TENT4B: variants seen among roughly 807,000 people sequenced by gnomAD.
TENT4B encodes the protein PAP associated domain containing 5.
TENT4B carries 10 observed loss-of-function variants against 75.0 expected under a neutral mutation model. The ratio of observed to expected loss-of-function variants is 0.13; its 90% confidence interval spans 0.08 to 0.23. The LOEUF is 0.23. TENT4B is among the 10% of genes least tolerant of loss of function. TENT4B has a pLI of 1.00. For missense variants in TENT4B, 579 were observed against 893.8 expected (o/e 0.65, Z 4.49); for synonymous variants, 350 against 357.7 (o/e 0.98, Z 0.24).
chr16:50,155,272 G>GGGGGGTGTGT (rs377547594), intron 1 of TENT4B, among the ~76,000 whole-genome samples: 4 of 135,372 alleles, frequency 3.0e-5, no homozygotes, highest in African/African-American at 1.1e-4. Flanking sequence ...GGGTCTCGTG[G>GGGGGGTGTGT]GTGTGTGTGT....
At chr16:50,215,077 C>G (rs188793927) in intron 3 of TENT4B, among the ~76,000 whole-genome samples, 2 of 152,318 alleles carry the variant, frequency 1.3e-5, no homozygotes, top group African/African-American at 4.8e-5. Context: ...GACTGTTGTT[C>G]AGTTTCAGTC....
At chr16:50,198,303 C>T (rs1349464557) in intron 1 of TENT4B, among the ~76,000 whole-genome samples, 1 of 151,382 alleles carries the variant, frequency 6.6e-6, no homozygotes, top group Non-Finnish European at 1.5e-5. Flanking sequence ...CCTATAGTCC[C>T]AGCTACTTTG....
At chr16:50,227,633 T>C (rs2032113699) in intron 10 of TENT4B, among the ~76,000 whole-genome samples, 1 of 151,734 alleles carries the variant, frequency 6.6e-6, no homozygotes, top group South Asian at 2.1e-4. Context: ...GATTTAACAA[T>C]GAACAGAAGC....
At chr16:50,158,193 TCTC>T (rs1212603957) in intron 1 of TENT4B, among the ~76,000 whole-genome samples, 1 of 151,746 alleles carries the variant, frequency 6.6e-6, no homozygotes, top group Non-Finnish European at 1.5e-5. Flanking sequence ...TTCGAGCAAT[TCTC>T]CTGCCTCAGC....
intron 1 of TENT4B, among the ~76,000 whole-genome samples, chr16:50,154,880 T>C (rs1204425812): frequency 1.3e-5 from 2 of 152,170 alleles, no homozygotes; most frequent in African/African-American, 4.8e-5. Context: ...ATGTCACAGA[T>C]GCCCTGTCTA....
chr16:50,184,010 A>C (rs2038475701), intron 1 of TENT4B, among the ~76,000 whole-genome samples: 2 of 152,192 alleles, frequency 1.3e-5, no homozygotes, highest in Non-Finnish European at 2.9e-5. Flanking sequence ...CATTTTCATC[A>C]ACCCAAAAAG....
chr16:50,184,451 A>T (rs1317192890), intron 1 of TENT4B, among the ~76,000 whole-genome samples: 2 of 151,838 alleles, frequency 1.3e-5, no homozygotes, highest in South Asian at 2.1e-4. Context: ...GGTGGATACG[A>T]GGGTCAGGAG....
intron 1 of TENT4B, among the ~76,000 whole-genome samples, chr16:50,171,026 G>A (rs1189636200): frequency 6.6e-6 from 1 of 151,032 alleles, no homozygotes; most frequent in Non-Finnish European, 1.5e-5. Context: ...CAAACTCCAG[G>A]CCTCAAGCCG....
intron 1 of TENT4B, among the ~76,000 whole-genome samples, chr16:50,210,758 C>T (rs760211316): frequency 3.3e-5 from 5 of 152,244 alleles, no homozygotes; most frequent in Non-Finnish European, 5.9e-5. Context: ...TTCTCCCACT[C>T]TGCCTGCCAC....
At position 50,175,888 on chromosome 16, in the gene TENT4B, T is replaced by C. The variant is rs1300403136; in HGVS notation, c.638+21629T>C. ...GCCTTGACCTCCTAGGGTCAAGTTA[T>C]CTTCTTGCTTCAGCCTCCTGAGTAG... On this transcript the variant is annotated intron_variant, in intron 1 of 11. Coordinates refer to ENST00000561678, the MANE Select transcript of TENT4B (RefSeq NM_001365324.3). 2.0e-5 allele frequency among the ~76,000 whole-genome samples: 3 copies of C among 152,152 alleles called. No homozygotes were observed. The East Asian group carries it at 5.8e-4, about 29-fold the overall frequency.
At chr16:50,192,522 T>G (rs2150710820) in intron 1 of TENT4B, among the ~76,000 whole-genome samples, 1 of 152,330 alleles carries the variant, frequency 6.6e-6, no homozygotes, top group South Asian at 2.1e-4. Flanking sequence ...CAGTGTAACT[T>G]GGTAGACTTG....
intron 1 of TENT4B, among the ~76,000 whole-genome samples, chr16:50,163,710 C>T (rs1344567531): frequency 1.3e-5 from 2 of 151,378 alleles, no homozygotes; most frequent in African/African-American, 4.9e-5. Context: ...GATATAATTT[C>T]TGTTAACAGT....
At chr16:50,199,174 G>T (rs2030477126) in intron 1 of TENT4B, among the ~76,000 whole-genome samples, 1 of 152,238 alleles carries the variant, frequency 6.6e-6, no homozygotes, top group African/African-American at 2.4e-5. Context: ...CTTAGAGTCA[G>T]TGTGTAAAGT....
chr16:50,172,507 A>AC (rs1491217490), intron 1 of TENT4B, among the ~76,000 whole-genome samples: 2 of 51,048 alleles, frequency 3.9e-5, no homozygotes, highest in Non-Finnish European at 6.9e-5. Context: ...AGAATTTATT[A>AC]CTTTTTTTTT....
At position 50,182,175 on chromosome 16, in the gene TENT4B, G is replaced by A. The variant is rs570272985; in HGVS notation, c.638+27916G>A. 2.0e-5 allele frequency among the ~76,000 whole-genome samples: 3 copies of A among 152,256 alleles called. No homozygotes were observed. The East Asian group carries it at 5.8e-4, about 29-fold the overall frequency. ...CCAGCTACTCAGTAGGCTGAGGCGG[G>A]AGGATCGCTTGAGCCTGGGAGGCAG... On this transcript the variant is annotated intron_variant, in intron 1 of 11. Transcript: ENST00000561678.
Position 50,235,187 on chromosome 16 carries a change from T to G in TENT4B, c.*5859T>G, listed in dbSNP as rs1464431143. Reference sequence around the variant, plus strand: ...TGACAGTTTCTTCAAAGATGTCAATTATTTGCCTTGGAAATTTTATAAATT... The same window carrying G: ...TGACAGTTTCTTCAAAGATGTCAATGATTTGCCTTGGAAATTTTATAAATT... On this transcript the variant is annotated 3_prime_UTR_variant, in exon 12 of 12. Coordinates refer to ENST00000561678, the MANE Select transcript of TENT4B (RefSeq NM_001365324.3). The G allele has an allele frequency of 3.0e-6, 1 of 333,914 alleles. No individual in the cohort carries two copies. The highest frequency in any genetic ancestry group is 2.2e-5 in the African/African-American group (1 of 44,748). 20.7% of individuals were successfully genotyped at this position (333,914 alleles called of 1,614,324 possible).
chr16:50,199,386 A>C lies in TENT4B; in HGVS notation c.639-11937A>C, dbSNP rs145747501. Among the ~76,000 whole-genome samples the C allele has an allele frequency of 5.3e-5, 8 of 152,334 alleles. No individual in the cohort carries two copies. In the East Asian group the frequency reaches 1.5e-3, roughly 29 times the overall value. On this transcript the variant is annotated intron_variant, in intron 1 of 11. Transcript: ENST00000561678. ...CCAAAGAAAGTGTGTGGGGTGGTAG[A>C]ATTACTAGTGGGGGAGTAAGGGGAC...
chr16:50,217,788 TAGGG>T, intron 5 of TENT4B, 125 bp downstream of exon 5: 3 of 123,606 alleles, frequency 2.4e-5, no homozygotes, highest in Non-Finnish European at 4.6e-5. Context: ...TAAATAGAGC[TAGGG>T]TCTCACTCTG....
Position 50,232,217 on chromosome 16 carries a change from G to A in TENT4B, c.*2889G>A. On this transcript the variant is annotated 3_prime_UTR_variant, in exon 12 of 12. Transcript: ENST00000561678. ...TTTAAGGTGACTGTGAAGGTGCCTG[G>A]TTTTGAATGTCTTTGTTTGGTTTGG... 1 of 985,368 alleles carries A rather than the reference G, an allele frequency of 1.0e-6. No individual in the cohort carries two copies. The highest frequency in any genetic ancestry group is 1.2e-6 in the Non-Finnish European group (1 of 829,910). The allele number at this position is 985,368 out of a possible 1,614,324, so 61.0% of individuals were successfully genotyped here. A position where few individuals can be genotyped will look rare whatever the true frequency, so the allele number is the denominator to read the frequency against.
Sources: gnomAD v4.1 joint callset for allele counts (sites outside exome capture counted in the v4.1 genomes callset) on GRCh38, gnomAD v4.1.1 for gene constraint, MANE v1.5 for transcripts, NCBI Gene and HGNC (gene_info 2026-07-23, HGNC 2026-07-21) for gene names.